CAMSAP1: variants seen among roughly 807,000 people sequenced by gnomAD.
CAMSAP1 encodes calmodulin regulated spectrin associated protein 1, also known as calmodulin-regulated spectrin-associated protein 1.
CAMSAP1 carries 58 observed loss-of-function variants against 143.5 expected under a neutral mutation model. The observed-to-expected ratio is 0.40, with a 90% CI of 0.33 to 0.50. The LOEUF is 0.50. CAMSAP1 is among the 20% of genes least tolerant of loss of function. The pLI, the probability that CAMSAP1 is intolerant of heterozygous loss-of-function variation, is 0.45. For synonymous variants in CAMSAP1, 945 were observed against 859.3 expected (o/e 1.10, Z -1.74); for missense variants, 1,969 against 2,115.7 (o/e 0.93, Z 1.36).
intron 14 of CAMSAP1, chr9:135,817,733 G>GAT: frequency 6.3e-6 from 3 of 474,430 alleles, no homozygotes; most frequent in South Asian, 2.3e-5. Context: ...AAGCAGGTGT[G>GAT]CACGTGTGGG....
At chr9:135,858,589 G>A (rs545785809) in intron 5 of CAMSAP1, among the ~76,000 whole-genome samples, 16 of 152,376 alleles carry the variant, frequency 1.1e-4, no homozygotes. Context: ...TCTCCAGACA[G>A]ACAGAACCAG....
Position 135,826,626 on chromosome 9 carries a change from T to C in CAMSAP1, c.1223+781A>G, listed in dbSNP as rs1197536940. 6.6e-6 allele frequency among the ~76,000 whole-genome samples: 1 copy of C among 152,246 alleles called. No individual in the cohort carries two copies. The highest frequency in any genetic ancestry group is 1.9e-4 in the East Asian group (1 of 5,204). The stretch of plus-strand genomic sequence containing the variant: ...ATGCTGTCTCACTGAACCATTCACT[T>C]ATGTGAATTATTTAAAACCACTTTT... On this transcript the variant is annotated intron_variant, in intron 8 of 16. Coordinates refer to ENST00000389532, the MANE Select transcript of CAMSAP1 (RefSeq NM_015447.4). This position sits in a 1 kb window ranked among gnomAD's most constrained non-coding sequence, Gnocchi z 4.4.
intron 4 of CAMSAP1, 118 bp downstream of exon 4, chr9:135,866,338 C>A: frequency 1.6e-6 from 1 of 636,792 alleles, no homozygotes; most frequent in Non-Finnish European, 2.9e-6. Flanking sequence ...AAGAGACTAG[C>A]TGCTTCTTTG....
In CAMSAP1 at chr9:135,874,245, G is replaced by A. The variant is rs916196712; in HGVS notation, c.585+7388C>T. ...TGGCCAGGCGTCGGAGGCCAAGGCA[G>A]GCGGATCCTTTGAGCTCAGGAGTTC... On this transcript the variant is annotated intron_variant, in intron 3 of 16. Transcript: ENST00000389532. Among the ~76,000 whole-genome samples the A allele has an allele frequency of 2.0e-5, 3 of 152,176 alleles. No individual in the cohort carries two copies. In the East Asian group the frequency reaches 5.8e-4, roughly 29 times the overall value.
intron 5 of CAMSAP1, among the ~76,000 whole-genome samples, chr9:135,852,343 T>G (rs1296197463): frequency 6.6e-6 from 1 of 152,260 alleles, no homozygotes; most frequent in African/African-American, 2.4e-5. Flanking sequence ...AAGTTTTACA[T>G]TTTGATATGG....
chr9:135,821,276 T>C lies in CAMSAP1; in HGVS notation c.3385A>G (p.Thr1129Ala). 1 of 1,610,422 alleles carries C rather than the reference T, an allele frequency of 6.2e-7. No individual in the cohort carries two copies. The highest frequency in any genetic ancestry group is 1.1e-5 in the South Asian group (1 of 91,074). Reference sequence around the variant, plus strand: ...GGGAAGGGTCTCAAGTGCGGGAGCGTCTCTACACTGGGCGTTGGGGTTTTA... The same window carrying C: ...GGGAAGGGTCTCAAGTGCGGGAGCGCCTCTACACTGGGCGTTGGGGTTTTA... ...RSKTPTPSVE[T>A]LPHLRPFPAS... Residue 1129 changes from threonine to alanine, a missense_variant, in exon 11 of 17, where the codon ACG (threonine) becomes GCG (alanine). Coordinates refer to ENST00000389532, the MANE Select transcript of CAMSAP1 (RefSeq NM_015447.4). The surrounding 1 kb of genome is among the most constrained non-coding windows in gnomAD (Gnocchi z 4.6).
chr9:135,888,759 C>T (rs1838204334), intron 1 of CAMSAP1, among the ~76,000 whole-genome samples: 1 of 152,258 alleles, frequency 6.6e-6, no homozygotes, highest in African/African-American at 2.4e-5. Context: ...GTAAAAGCGA[C>T]CAGTAGTCCA....
At position 135,818,303 on chromosome 9, in the gene CAMSAP1, C is replaced by G; in HGVS notation, c.4168+105G>C. 1 of 1,281,486 alleles carries G rather than the reference C, an allele frequency of 7.8e-7. No individual in the cohort carries two copies. Among genetic ancestry groups the G allele is most frequent in the Non-Finnish European group, 1.1e-6 (1 of 938,556 alleles). 79.4% of individuals were successfully genotyped at this position (1,281,486 alleles called of 1,614,324 possible). ...AACGGGGATAATCATCTCCACCCTT[C>G]CCGCCTCACACCACTCTTGATGACA... On this transcript the variant is annotated intron_variant, in intron 13 of 16. Transcript: ENST00000389532. The surrounding 1 kb of genome is among the most constrained non-coding windows in gnomAD (Gnocchi z 7.7).
intron 3 of CAMSAP1, among the ~76,000 whole-genome samples, chr9:135,878,382 C>T (rs1287442715): frequency 3.1e-5 from 4 of 128,428 alleles, no homozygotes; most frequent in East Asian, 4.5e-4. Flanking sequence ...CAGAGCCAAA[C>T]CCAAGGAGGG....
chr9:135,863,960 A>G (rs1298319789), intron 4 of CAMSAP1, among the ~76,000 whole-genome samples: 1 of 152,192 alleles, frequency 6.6e-6, no homozygotes, highest in Non-Finnish European at 1.5e-5. Flanking sequence ...AACACTCCGG[A>G]ACTACAAGAG....
intron 7 of CAMSAP1, among the ~76,000 whole-genome samples, chr9:135,844,715 T>C (rs1191116469): frequency 6.6e-6 from 1 of 152,152 alleles, no homozygotes; most frequent in African/African-American, 2.4e-5. Context: ...AAATACAAAC[T>C]ACCATCAGAG....
intron 5 of CAMSAP1, 82 bp downstream of exon 5, chr9:135,862,385 T>TA (rs1837230456): frequency 5.3e-6 from 7 of 1,317,994 alleles, no homozygotes; most frequent in Admixed American, 2.8e-5. Context: ...TTTTTTTTTT[T>TA]AATATATATG....
intron 2 of CAMSAP1, among the ~76,000 whole-genome samples, 159 bp from the exon 3 acceptor site, chr9:135,881,953 A>C (rs1272783916): frequency 6.6e-6 from 1 of 152,122 alleles, no homozygotes; most frequent in East Asian, 1.9e-4. Context: ...CCTCCCCCGC[A>C]CCATCACTGT....
chr9:135,836,499 T>A, intron 7 of CAMSAP1: 1 of 977,212 alleles, frequency 1.0e-6, no homozygotes, highest in East Asian at 1.2e-4. Context: ...CAGACACACA[T>A]CACCACGCAC....
In CAMSAP1 at chr9:135,815,261, G is replaced by A. The variant is rs59469847; in HGVS notation, c.4388-46C>T. On this transcript the variant is annotated intron_variant, in intron 15 of 16. Transcript: ENST00000389532. Reference sequence around the variant, plus strand: ...TGGTAAAATTATTATTTTAAGGCACGAACACACACAAAAAAGAAAACCAGC... The same window carrying A: ...TGGTAAAATTATTATTTTAAGGCACAAACACACACAAAAAAGAAAACCAGC... 4.8e-4 allele frequency: 620 copies of A among 1,294,844 alleles called. 1 individual carries two copies. The African/African-American group carries it at 5.7e-3, about 12-fold the overall frequency. 80.2% of individuals were successfully genotyped at this position (1,294,844 alleles called of 1,614,324 possible). A position where few individuals can be genotyped will look rare whatever the true frequency, so the allele number is the denominator to read the frequency against.
intron 1 of CAMSAP1, among the ~76,000 whole-genome samples, chr9:135,890,038 C>T (rs1838239241): frequency 6.6e-6 from 1 of 152,056 alleles, no homozygotes; most frequent in South Asian, 2.1e-4. Flanking sequence ...TGGGAGGCCC[C>T]TCGGGGTGGG....
intron 5 of CAMSAP1, among the ~76,000 whole-genome samples, chr9:135,858,536 C>G (rs1347162687): frequency 6.6e-6 from 1 of 152,228 alleles, no homozygotes; most frequent in African/African-American, 2.4e-5. Context: ...CTTCCAGGCA[C>G]TCAATCTTTA....
In CAMSAP1 at chr9:135,827,466, C is replaced by T. The variant is rs1835715348; in HGVS notation, c.1164G>A (p.Val388=). 40 of 1,608,654 alleles carry T rather than the reference C, an allele frequency of 2.5e-5. No individual in the cohort carries two copies. The highest frequency in any genetic ancestry group is 3.4e-5 in the Non-Finnish European group (40 of 1,175,818). The part of the protein sequence containing the change: ...AGTLAELQPP[V]QLPAEGCHRH... ...TGTGACAGCCTTCCGCCGGCAGCTGCACGGGGGGCTGCAGCTCAGCCAGGG... is the reference window on the plus strand; with the variant it reads ...TGTGACAGCCTTCCGCCGGCAGCTGTACGGGGGGCTGCAGCTCAGCCAGGG... The change falls in exon 8 of 17, where the codon GTG becomes GTA. Residue 388 remains valine (V), a synonymous_variant. Coordinates refer to ENST00000389532, the MANE Select transcript of CAMSAP1 (RefSeq NM_015447.4).
At chr9:135,833,240 C>A (rs1033768439) in intron 7 of CAMSAP1, among the ~76,000 whole-genome samples, 12 of 152,080 alleles carry the variant, frequency 7.9e-5, no homozygotes, top group Admixed American at 5.9e-4. Context: ...CGCCACTACG[C>A]CCGGCTAATT....
Sources: allele counts gnomAD v4.1 joint callset (sites outside exome capture counted in the v4.1 genomes callset), GRCh38; gene constraint gnomAD v4.1.1; non-coding constraint Gnocchi (gnomAD v3.1); transcripts MANE v1.5; gene names NCBI Gene and HGNC (gene_info 2026-07-23, HGNC 2026-07-21).